DNAL1: variants seen among roughly 807,000 people sequenced by gnomAD.
The protein encoded by DNAL1 is chromosome 14 open reading frame 168.
Under a neutral mutation model 29.4 loss-of-function variants are expected in DNAL1, and 17 were observed. That is an observed-to-expected ratio of 0.58 (90% CI 0.40 to 0.87). The LOEUF is 0.87. Among genes scored for constraint, DNAL1 ranks in the 40% least tolerant of loss-of-function variants. DNAL1 has a pLI of 0.00. For synonymous variants in DNAL1, 78 were observed against 76.3 expected (o/e 1.02, Z -0.12); for missense variants, 188 against 214.1 (o/e 0.88, Z 0.76).
At chr14:73,687,766 G>A (rs1040295378) in intron 6 of DNAL1, among the ~76,000 whole-genome samples, 14 of 152,026 alleles carry the variant, frequency 9.2e-5, no homozygotes, top group African/African-American at 1.2e-4. Flanking sequence ...CCAGCTACTC[G>A]GGAGGCTGAG....
intron 3 of DNAL1, among the ~76,000 whole-genome samples, chr14:73,660,198 G>A (rs1247723938): frequency 6.6e-6 from 1 of 152,164 alleles, no homozygotes; most frequent in African/African-American, 2.4e-5. Flanking sequence ...CCAAAGTGCT[G>A]GGACTACAGG....
intron 5 of DNAL1, among the ~76,000 whole-genome samples, chr14:73,676,690 G>A (rs1406719029): frequency 6.6e-6 from 1 of 151,292 alleles, no homozygotes; most frequent in African/African-American, 2.4e-5. Flanking sequence ...GAGGAGTGTG[G>A]GTTTTCTCTC....
intron 1 of DNAL1, among the ~76,000 whole-genome samples, chr14:73,649,259 C>T (rs1891057715): frequency 6.6e-6 from 1 of 151,658 alleles, no homozygotes. Context: ...CAGGCATGAG[C>T]CACAGTGCCC....
At chr14:73,665,753 T>G (rs1891463362) in intron 4 of DNAL1, among the ~76,000 whole-genome samples, 1 of 151,338 alleles carries the variant, frequency 6.6e-6, no homozygotes, top group African/African-American at 2.4e-5. Flanking sequence ...ATCACGCTAC[T>G]GTACTCCAGC....
chr14:73,692,792 T>TG (rs1401915019), intron 7 of DNAL1, among the ~76,000 whole-genome samples: 3 of 151,678 alleles, frequency 2.0e-5, no homozygotes, highest in Non-Finnish European at 2.9e-5. Flanking sequence ...GCTGCAAACT[T>TG]GCCCATTTTT....
chr14:73,652,108 C>T (rs1258601897), intron 1 of DNAL1, among the ~76,000 whole-genome samples: 1 of 152,120 alleles, frequency 6.6e-6, no homozygotes, highest in Non-Finnish European at 1.5e-5. Context: ...ACCATTTAGG[C>T]TCATGCAGCC....
At chr14:73,694,768 C>T (rs1892263894) in intron 7 of DNAL1, among the ~76,000 whole-genome samples, 1 of 150,116 alleles carries the variant, frequency 6.7e-6, no homozygotes, top group Non-Finnish European at 1.5e-5. Context: ...TGGTTCACTG[C>T]AACCTCCGCC....
intron 5 of DNAL1, 130 bp from the exon 6 acceptor site, chr14:73,687,129 A>T: frequency 8.8e-7 from 1 of 1,130,342 alleles, no homozygotes; most frequent in Non-Finnish European, 1.2e-6. Flanking sequence ...CCACACAACT[A>T]CTAGCTCTTC....
intron 3 of DNAL1, among the ~76,000 whole-genome samples, chr14:73,660,827 A>G (rs1239220214): frequency 6.6e-6 from 1 of 152,168 alleles, no homozygotes; most frequent in African/African-American, 2.4e-5. Context: ...TTTATACCTC[A>G]TACTAAAGCA....
intron 4 of DNAL1, 103 bp from the exon 5 acceptor site, chr14:73,671,433 TATAAGG>T (rs1891612574): frequency 8.7e-7 from 1 of 1,150,246 alleles, no homozygotes; most frequent in Non-Finnish European, 1.1e-6. Context: ...TTACTCATTG[TATAAGG>T]ATATCTATTA....
At position 73,677,459 on chromosome 14, in the gene DNAL1, G is replaced by A. The variant is rs376116715; in HGVS notation, c.264+5862G>A. Among the ~76,000 whole-genome samples the A allele has an allele frequency of 6.6e-5, 10 of 151,268 alleles. No homozygotes were observed. In the South Asian group the frequency reaches 8.3e-4, roughly 13 times the overall value. ...TAGCTGGGACTACAGGCCACTGTTC[G>A]CGGCAAGTACCGTGTTGTTTTAATT... On this transcript the variant is annotated intron_variant, in intron 5 of 7. Coordinates refer to ENST00000553645, the MANE Select transcript of DNAL1 (RefSeq NM_031427.4).
In DNAL1 at chr14:73,660,714, A is replaced by T. The variant is rs181898170; in HGVS notation, c.153-1273A>T. Reference sequence around the variant, plus strand: ...GATGAGAACACAGTGTGTCACATAAAAATCCACCACCACATGCTTTTTTGG... The same window carrying T: ...GATGAGAACACAGTGTGTCACATAATAATCCACCACCACATGCTTTTTTGG... On this transcript the variant is annotated intron_variant, in intron 3 of 7. Coordinates refer to ENST00000553645, the MANE Select transcript of DNAL1 (RefSeq NM_031427.4). 3.2e-4 allele frequency among the ~76,000 whole-genome samples: 48 copies of T among 152,318 alleles called. No individual in the cohort carries two copies. The East Asian group carries it at 8.9e-3, about 28-fold the overall frequency.
chr14:73,682,825 C>T (rs539453490), intron 5 of DNAL1, among the ~76,000 whole-genome samples: 29 of 145,756 alleles, frequency 2.0e-4, no homozygotes, highest in Non-Finnish European at 3.9e-4. Flanking sequence ...TGCCTTCTTT[C>T]TAGAATACCT....
intron 7 of DNAL1, among the ~76,000 whole-genome samples, chr14:73,695,093 C>G (rs1169373316): frequency 8.5e-6 from 1 of 117,218 alleles, no homozygotes; most frequent in Admixed American, 1.0e-4. Flanking sequence ...TCTTACTCTG[C>G]CACCCAGGCT....
intron 5 of DNAL1, among the ~76,000 whole-genome samples, chr14:73,675,202 T>TCTCA (rs1891702342): frequency 6.9e-6 from 1 of 144,960 alleles, no homozygotes; most frequent in Non-Finnish European, 1.6e-5. Context: ...TCTCTCTCTC[T>TCTCA]CACACACAAA....
chr14:73,674,833 C>T (rs1292587918), intron 5 of DNAL1, among the ~76,000 whole-genome samples: 1 of 152,084 alleles, frequency 6.6e-6, no homozygotes, highest in Non-Finnish European at 1.5e-5. Context: ...GAATTACAGG[C>T]GTGAGCCACC....
rs146908757 is a variant in DNAL1, at chr14:73,669,826, A to G, written c.209-1716A>G. Among the ~76,000 whole-genome samples, 4 of 152,324 alleles carry G rather than the reference A, an allele frequency of 2.6e-5. No individual in the cohort carries two copies. The East Asian group carries it at 7.7e-4, about 29-fold the overall frequency. On this transcript the variant is annotated intron_variant, in intron 4 of 7. Transcript: ENST00000553645. Reference sequence around the variant, plus strand: ...ATGAATTTTCCGGGGGACACAGTTCAGCCCATAACATGGGGTCTTGCTTCA... The same window carrying G: ...ATGAATTTTCCGGGGGACACAGTTCGGCCCATAACATGGGGTCTTGCTTCA...
At chr14:73,678,479 T>C (rs1356578598) in intron 5 of DNAL1, among the ~76,000 whole-genome samples, 1 of 151,754 alleles carries the variant, frequency 6.6e-6, no homozygotes, top group Non-Finnish European at 1.5e-5. Context: ...GGCTCAGTTA[T>C]GTAAAGTATT....
chr14:73,679,214 C>T (rs935825387), intron 5 of DNAL1, among the ~76,000 whole-genome samples: 1 of 152,136 alleles, frequency 6.6e-6, no homozygotes, highest in Non-Finnish European at 1.5e-5. Flanking sequence ...CCGTGCTGGT[C>T]TGGACTCCTG....
Sources: gnomAD v4.1 joint callset for allele counts (sites outside exome capture counted in the v4.1 genomes callset) on GRCh38, gnomAD v4.1.1 for gene constraint, MANE v1.5 for transcripts, NCBI Gene and HGNC (gene_info 2026-07-23, HGNC 2026-07-21) for gene names.